The following MORC3 variants were observed in gnomAD, a reference collection of about 807,000 sequenced individuals.
MORC3 encodes the protein MORC family CW-type zinc finger 3.
Under a neutral mutation model 109.1 loss-of-function variants are expected in MORC3, and 31 were observed. The observed-to-expected ratio is 0.28, with a 90% CI of 0.21 to 0.38. The LOEUF (loss-of-function observed/expected upper bound fraction) is 0.38, where lower values mean the gene tolerates loss of function less well. Among genes scored for constraint, MORC3 ranks in the 10% least tolerant of loss-of-function variants. The pLI is 1.00. For missense variants in MORC3, 867 were observed against 1,135.8 expected (o/e 0.76, Z 3.40); for synonymous variants, 395 against 380.7 (o/e 1.04, Z -0.44).
intron 2 of MORC3, among the ~76,000 whole-genome samples, chr21:36,334,396 A>G (rs576815727): frequency 6.6e-6 from 1 of 152,342 alleles, no homozygotes; most frequent in East Asian, 1.9e-4. Flanking sequence ...TACTTTGCTA[A>G]GTTCCTGAAG....
At chr21:36,351,606 A>G (rs2085573684) in intron 9 of MORC3, among the ~76,000 whole-genome samples, 1 of 152,226 alleles carries the variant, frequency 6.6e-6, no homozygotes, top group African/African-American at 2.4e-5. Context: ...ATGTCATTAC[A>G]AATGACAGCA....
chr21:36,361,329 A>G (rs2085712220), intron 12 of MORC3, among the ~76,000 whole-genome samples: 1 of 151,188 alleles, frequency 6.6e-6, no homozygotes, highest in African/African-American at 2.4e-5. Flanking sequence ...GGATCACTTG[A>G]GGTCAGGAGT....
intron 9 of MORC3, among the ~76,000 whole-genome samples, chr21:36,352,401 G>C (rs918529526): frequency 8.6e-5 from 10 of 116,542 alleles, no homozygotes; most frequent in African/African-American, 2.2e-4. Context: ...AAAGGGGTGG[G>C]GGGGGGCAGG....
intron 9 of MORC3, among the ~76,000 whole-genome samples, chr21:36,352,181 G>A (rs1374538892): frequency 1.3e-5 from 2 of 150,012 alleles, no homozygotes; most frequent in Non-Finnish European, 2.9e-5. Context: ...TACATAGATA[G>A]AGAAAAAGCA....
chr21:36,332,876 CTCCTAGGTTCATG>C (rs1255701104), intron 1 of MORC3, among the ~76,000 whole-genome samples: 1 of 150,424 alleles, frequency 6.6e-6, no homozygotes, highest in African/African-American at 2.5e-5. Flanking sequence ...CAAGCTCCAT[CTCCTAGGTTCATG>C]CCATTCTCCT....
At chr21:36,368,915 A>T in intron 14 of MORC3, 73 bp from the exon 15 acceptor site, 2 of 1,329,072 alleles carry the variant, frequency 1.5e-6, no homozygotes, top group South Asian at 1.5e-5. Context: ...CATTTGTTAG[A>T]ATGATTACTT....
At chr21:36,342,190 G>A (rs2085456717) in intron 6 of MORC3, among the ~76,000 whole-genome samples, 2 of 152,108 alleles carry the variant, frequency 1.3e-5, no homozygotes, top group African/African-American at 4.8e-5. Context: ...GTTGCAGTGA[G>A]CGGAGATTGT....
intron 1 of MORC3, among the ~76,000 whole-genome samples, chr21:36,330,170 C>T (rs567962887): frequency 4.6e-5 from 7 of 152,046 alleles, no homozygotes; most frequent in Middle Eastern, 3.4e-3. Context: ...CCTGAGCCAC[C>T]GCACCTGGCC....
chr21:36,330,160 C>T (rs1025397038), intron 1 of MORC3, among the ~76,000 whole-genome samples: 11 of 152,132 alleles, frequency 7.2e-5, no homozygotes, highest in Admixed American at 6.6e-4. Flanking sequence ...CCAGACCCGT[C>T]CTGAGCCACC....
chr21:36,358,689 T>G (rs939162160), intron 10 of MORC3, among the ~76,000 whole-genome samples: 13 of 152,258 alleles, frequency 8.5e-5, no homozygotes, highest in African/African-American at 1.4e-4. Flanking sequence ...TTCTTTTTTT[T>G]TTGTTTTTGA....
At chr21:36,372,232 AACT>A (rs796819117) in intron 15 of MORC3, 139 bp from the exon 16 acceptor site, 3 of 642,570 alleles carry the variant, frequency 4.7e-6, no homozygotes, top group African/African-American at 3.8e-5. Context: ...GTTTATAGAA[AACT>A]ACTGGTTTTT....
chr21:36,352,622 AT>A lies in MORC3; in HGVS notation c.1103+3217del, dbSNP rs576379652. Among the ~76,000 whole-genome samples the A allele has an allele frequency of 1.1e-3, 172 of 152,228 alleles. 2 individuals carry two copies. Among genetic ancestry groups the A allele is most frequent in the African/African-American group, 4.1e-3 (171 of 41,532 alleles). The stretch of plus-strand genomic sequence containing the variant: ...CATGTTGGCACTCAAAAAGTTTCAG[AT>A]TTGGAGCAATTTGGATTTTTGGATT... On this transcript the variant is annotated intron_variant, in intron 9 of 16. Transcript: ENST00000400485.
At chr21:36,342,588 G>T (rs1004675737) in intron 6 of MORC3, among the ~76,000 whole-genome samples, 1 of 152,052 alleles carries the variant, frequency 6.6e-6, no homozygotes, top group Non-Finnish European at 1.5e-5. Context: ...ATTTTTGGTA[G>T]AGACGATGTT....
Position 36,369,244 on chromosome 21 carries a change from A to T in MORC3, c.1876A>T (p.Ser626Cys). The change falls in exon 15 of 17, where the codon AGC becomes TGC. Residue 626 changes from serine to cysteine, a missense_variant. Physicochemically the swap from Ser to Cys is moderately radical, Grantham distance 112. Around this residue, in one of 7 missense-constraint regions of MORC3, gnomAD observed 486 missense variants for 502.1 expected, o/e 0.97. Coordinates refer to ENST00000400485, the MANE Select transcript of MORC3 (RefSeq NM_015358.3). ...SEPCGQTGST[S>C]TSSSRCDQGN... ...ACCTTGTGGCCAGACTGGTTCAACA[A>T]GCACCTCATCATCCCGATGCGACCA... is the stretch of plus-strand genomic sequence containing the variant. The T allele has an allele frequency of 1.2e-6, 2 of 1,614,214 alleles. No homozygotes were observed. The highest frequency in any genetic ancestry group is 1.7e-6 in the Non-Finnish European group (2 of 1,180,038).
Position 36,372,433 on chromosome 21 carries a change from T to C in MORC3, c.2568T>C (p.Thr856=), listed in dbSNP as rs761846916. 4 of 1,605,318 alleles carry C rather than the reference T, an allele frequency of 2.5e-6. No individual in the cohort carries two copies. The highest frequency in any genetic ancestry group is 2.2e-5 in the East Asian group (1 of 44,586). ...QIRSQCEELK[T]EVEQLKSTNQ... ...GTTCACAGTGTGAAGAACTCAAAAC[T>C]GAAGTAGAACAGTTAAAATCTACAA... Residue 856 remains threonine, a synonymous_variant, in exon 16 of 17, where the codon ACT becomes ACC. Transcript: ENST00000400485.
At chr21:36,333,097 A>G (rs1295866271) in intron 1 of MORC3, among the ~76,000 whole-genome samples, 1 of 151,956 alleles carries the variant, frequency 6.6e-6, no homozygotes, top group African/African-American at 2.4e-5. Flanking sequence ...AACAATTGTA[A>G]CTCTTATTTG....
chr21:36,336,092 ATTT>A (rs71326676), intron 2 of MORC3, among the ~76,000 whole-genome samples: 1 of 137,724 alleles, frequency 7.3e-6, no homozygotes, highest in Non-Finnish European at 1.6e-5. Flanking sequence ...TGCCTGGCTA[ATTT>A]TTTTTTTTTT....
At chr21:36,344,819 T>G in intron 7 of MORC3, 93 bp from the exon 8 acceptor site, 1 of 1,595,256 alleles carries the variant, frequency 6.3e-7, no homozygotes, top group Non-Finnish European at 8.6e-7. Context: ...TTGCCCTCCT[T>G]TGTGTGCTTT....
chr21:36,370,350 T>C (rs946251082), intron 15 of MORC3, among the ~76,000 whole-genome samples: 1 of 152,086 alleles, frequency 6.6e-6, no homozygotes, highest in African/African-American at 2.4e-5. Flanking sequence ...GCATTTTTGG[T>C]TCTTCCAATG....
Sources: allele counts gnomAD v4.1 joint callset (sites outside exome capture counted in the v4.1 genomes callset), GRCh38; gene constraint gnomAD v4.1.1; regional missense constraint gnomAD v4.1.1; transcripts MANE v1.5; gene names NCBI Gene and HGNC (gene_info 2026-07-23, HGNC 2026-07-21).